MALRD1: variants seen among roughly 807,000 people sequenced by gnomAD.
The protein encoded by MALRD1 is MAM and LDL-receptor class A domain-containing protein 1.
In MALRD1, 247 loss-of-function variants were observed where a neutral mutation model predicts 242.1. The ratio of observed to expected loss-of-function variants is 1.02; its 90% confidence interval spans 0.92 to 1.13. The LOEUF (loss-of-function observed/expected upper bound fraction) is 1.13, where lower values mean the gene tolerates loss of function less well. Ranked by LOEUF, MALRD1 falls within the 50% of genes most tolerant of loss-of-function variation. The pLI is 0.00. For missense variants in MALRD1, 2,989 were observed against 2,533.1 expected (o/e 1.18, Z -3.86); for synonymous variants, 995 against 866.6 (o/e 1.15, Z -2.60).
chr10:19,261,358 A>G (rs1839738371), intron 19 of MALRD1, among the ~76,000 whole-genome samples: 1 of 152,040 alleles, frequency 6.6e-6, no homozygotes, highest in Admixed American at 6.6e-5. Context: ...CAAAACCACA[A>G]GGCTTGTTGA....
At chr10:19,109,978 C>T (rs1253594756) in intron 5 of MALRD1, among the ~76,000 whole-genome samples, 1 of 152,132 alleles carries the variant, frequency 6.6e-6, no homozygotes, top group Non-Finnish European at 1.5e-5. Flanking sequence ...ATGGTAATTA[C>T]TTCTGATTCT....
chr10:19,547,801 TA>T (rs1564431607), intron 32 of MALRD1, among the ~76,000 whole-genome samples: 330 of 14,738 alleles, frequency 0.022, 4 homozygotes, highest in African/African-American at 0.058. Context: ...TATATATATA[TA>T]TATATATATA....
At chr10:19,684,972 T>C (rs1842520195) in intron 36 of MALRD1, among the ~76,000 whole-genome samples, 1 of 152,152 alleles carries the variant, frequency 6.6e-6, no homozygotes, top group South Asian at 2.1e-4. Flanking sequence ...TAGTGTAGGA[T>C]CCTATTAACA....
At chr10:19,504,382 T>C (rs1838103709) in intron 31 of MALRD1, among the ~76,000 whole-genome samples, 1 of 152,104 alleles carries the variant, frequency 6.6e-6, no homozygotes, top group Non-Finnish European at 1.5e-5. Context: ...AACCTCAATT[T>C]CACTCTTGAT....
intron 28 of MALRD1, among the ~76,000 whole-genome samples, chr10:19,439,815 A>T (rs953864385): frequency 2.6e-5 from 4 of 151,664 alleles, no homozygotes; most frequent in Non-Finnish European, 5.9e-5. Flanking sequence ...CTCCTTCCCC[A>T]CTCCATTTCC....
chr10:19,674,218 T>C (rs541377845), intron 36 of MALRD1, among the ~76,000 whole-genome samples: 1 of 152,244 alleles, frequency 6.6e-6, no homozygotes, highest in South Asian at 2.1e-4. Flanking sequence ...CGTAACCTCA[T>C]CTCCAGTGAG....
intron 18 of MALRD1, among the ~76,000 whole-genome samples, chr10:19,237,823 A>G (rs1333528248): frequency 1.7e-5 from 2 of 117,318 alleles, no homozygotes; most frequent in Non-Finnish European, 3.3e-5. Flanking sequence ...AGAATTTTAT[A>G]TGTAATTATA....
chr10:19,154,989 A>G (rs1414007116), intron 11 of MALRD1, 86 bp from the exon 12 acceptor site: 3 of 646,522 alleles, frequency 4.6e-6, no homozygotes, highest in Admixed American at 8.7e-5. Flanking sequence ...ATAGTTTAGC[A>G]TGTGCAAGGA....
chr10:19,562,584 C>G (rs1280196387), intron 32 of MALRD1, among the ~76,000 whole-genome samples: 2 of 152,106 alleles, frequency 1.3e-5, no homozygotes, highest in Non-Finnish European at 2.9e-5. Flanking sequence ...CATTGTGGTT[C>G]CATGTGTCCC....
chr10:19,110,403 C>A (rs141444674), intron 5 of MALRD1, among the ~76,000 whole-genome samples: 119 of 152,150 alleles, frequency 7.8e-4, no homozygotes, highest in African/African-American at 2.5e-3. Flanking sequence ...ATTTATCAGG[C>A]GAGAAATCAC....
chr10:19,702,427 G>A (rs1393831588), intron 38 of MALRD1, among the ~76,000 whole-genome samples: 3 of 152,152 alleles, frequency 2.0e-5, no homozygotes, highest in Non-Finnish European at 4.4e-5. Flanking sequence ...GAGTCACTCA[G>A]TAATGCTTTC....
chr10:19,504,664 A>ATTTTTTTTTTTTTTTTTTTTTTTTTT (rs759213931), intron 31 of MALRD1, among the ~76,000 whole-genome samples: 1 of 97,588 alleles, frequency 1.0e-5, no homozygotes, highest in Non-Finnish European at 1.9e-5. Flanking sequence ...ATTGTAACAC[A>ATTTTTTTTTTTTTTTTTTTTTTTTTT]TTTTTTTTTT....
intron 32 of MALRD1, among the ~76,000 whole-genome samples, chr10:19,556,414 C>T (rs544625893): frequency 3.3e-5 from 5 of 152,156 alleles, no homozygotes; most frequent in African/African-American, 1.2e-4. Context: ...CTAAAATTCC[C>T]CTTTGCTCCA....
intron 19 of MALRD1, among the ~76,000 whole-genome samples, chr10:19,269,528 T>A (rs1320320132): frequency 2.0e-5 from 3 of 152,214 alleles, no homozygotes; most frequent in Non-Finnish European, 4.4e-5. Flanking sequence ...CCGTCAGGAA[T>A]CCTGCAGTCC....
intron 2 of MALRD1, among the ~76,000 whole-genome samples, chr10:19,082,170 C>T (rs1428980291): frequency 6.6e-6 from 1 of 151,004 alleles, no homozygotes; most frequent in Non-Finnish European, 1.5e-5. Flanking sequence ...TCTTTTTTTA[C>T]TATATATTTT....
At chr10:19,054,693 A>G (rs1834609779) in intron 1 of MALRD1, among the ~76,000 whole-genome samples, 1 of 152,140 alleles carries the variant, frequency 6.6e-6, no homozygotes, top group Admixed American at 6.5e-5. Flanking sequence ...CACTTAGCAT[A>G]ATGTCCTTCA....
At chr10:19,697,107 A>G (rs1330514728) in intron 38 of MALRD1, among the ~76,000 whole-genome samples, 2 of 152,148 alleles carry the variant, frequency 1.3e-5, no homozygotes, top group African/African-American at 4.8e-5. Context: ...TTCTCCAGAA[A>G]AACACACATA....
intron 24 of MALRD1, among the ~76,000 whole-genome samples, chr10:19,340,611 A>G (rs1843806235): frequency 6.6e-6 from 1 of 152,166 alleles, no homozygotes; most frequent in Non-Finnish European, 1.5e-5. Context: ...GGGATAGAAA[A>G]GTGTACTCTG....
chr10:19,247,833 A>T (rs74118898), intron 18 of MALRD1, among the ~76,000 whole-genome samples: 1,535 of 152,020 alleles, frequency 0.01, 30 homozygotes, highest in African/African-American at 0.034. Context: ...GTTAAAATAA[A>T]AACTTAACCG....
Sources: allele counts gnomAD v4.1 joint callset (sites outside exome capture counted in the v4.1 genomes callset), GRCh38; gene constraint gnomAD v4.1.1; transcripts MANE v1.5; gene names NCBI Gene and HGNC (gene_info 2026-07-23, HGNC 2026-07-21).